The following PCDHGA8 variants were observed in gnomAD, a reference collection of about 807,000 sequenced individuals.
The protein encoded by PCDHGA8 is protocadherin gamma subfamily A, 8.
A neutral mutation model predicts 59.2 loss-of-function variants in PCDHGA8; 45 were observed. The observed-to-expected ratio is 0.76, with a 90% CI of 0.60 to 0.98. The LOEUF (loss-of-function observed/expected upper bound fraction) is 0.98. PCDHGA8 is among the 50% of genes least tolerant of loss of function. The pLI is 0.00. For synonymous variants in PCDHGA8, 531 were observed against 519.0 expected (o/e 1.02, Z -0.32); for missense variants, 1,257 against 1,196.2 (o/e 1.05, Z -0.75).
chr5:141,393,740 TGAA>T lies in PCDHGA8; in HGVS notation c.931_933del (p.Glu311del). The T allele has an allele frequency of 6.2e-7, 1 of 1,613,888 alleles. No homozygotes were observed. Among genetic ancestry groups the T allele is most frequent in the Non-Finnish European group, 8.5e-7 (1 of 1,179,880 alleles). ...TATCAATAGCAAAAAGTCTAGATTA[TGAA>T]GAATGTTCATTTTATGAAATGGAAA... On this transcript the variant is annotated inframe_deletion, in exon 1 of 4. Transcript: ENST00000398604.
In PCDHGA8 at chr5:141,393,314, C is replaced by T. The variant is rs2150518180; in HGVS notation, c.501C>T (p.Leu167=). 6.2e-7 allele frequency: 1 copy of T among 1,613,076 alleles called. No homozygotes were observed. Among genetic ancestry groups the T allele is most frequent in the Non-Finnish European group, 8.5e-7 (1 of 1,179,790 alleles). ...ACCCGGATGTGGGCGTGAACTCCCT[C>T]CAGAGCTACCAGCTCAGCCCCAATC... ...AVDPDVGVNS[L]QSYQLSPNHH... Residue 167 remains leucine, a synonymous_variant, in exon 1 of 4, where the codon CTC becomes CTT. Transcript: ENST00000398604.
chr5:141,466,285 C>A (rs1271958613), intron 1 of PCDHGA8, among the ~76,000 whole-genome samples: 1 of 152,148 alleles, frequency 6.6e-6, no homozygotes, highest in African/African-American at 2.4e-5. Context: ...ATCTTCCCAC[C>A]TCAGGCTCCC....
At chr5:141,414,233 T>A in intron 1 of PCDHGA8, 1 of 1,613,474 alleles carries the variant, frequency 6.2e-7, no homozygotes, top group Non-Finnish European at 8.5e-7. Flanking sequence ...GAGCTGACCA[T>A]CACGTCTCTA....
intron 2 of PCDHGA8, among the ~76,000 whole-genome samples, chr5:141,500,892 G>GAT (rs1036007799): frequency 1.1e-5 from 1 of 88,010 alleles, no homozygotes; most frequent in African/African-American, 7.1e-5. Flanking sequence ...TTTTTTTTGA[G>GAT]ACAGTCTCGC....
intron 1 of PCDHGA8, among the ~76,000 whole-genome samples, chr5:141,462,160 A>T (rs575238638): frequency 4.6e-5 from 7 of 152,122 alleles, no homozygotes; most frequent in Non-Finnish European, 1.0e-4. Flanking sequence ...GGGTTTCATC[A>T]TGTTGGCCAG....
intron 1 of PCDHGA8, among the ~76,000 whole-genome samples, chr5:141,449,339 G>T (rs1307731679): frequency 6.6e-6 from 1 of 151,930 alleles, no homozygotes; most frequent in Non-Finnish European, 1.5e-5. Context: ...AGGTGCAGTG[G>T]CTCACTCCTG....
chr5:141,427,429 G>A (rs2097025761), intron 1 of PCDHGA8: 1 of 471,078 alleles, frequency 2.1e-6, no homozygotes, highest in African/African-American at 2.0e-5. Flanking sequence ...GAGGTTACAT[G>A]CCTCATAAAC....
chr5:141,393,706 C>T lies in PCDHGA8; in HGVS notation c.893C>T (p.Thr298Ile). Residue 298 changes from threonine to isoleucine, a missense_variant, in exon 1 of 4, where the codon ACT (threonine) becomes ATT (isoleucine). By Grantham distance (89) the Thr-to-Ile change is moderately conservative. Transcript: ENST00000398604. ...CCGTTATTCCAGCTTAATGAAAATA[C>T]TGGGGAAATATCAATAGCAAAAAGT... ...QTPLFQLNEN[T>I]GEISIAKSLD... 2 of 1,613,798 alleles carry T rather than the reference C, an allele frequency of 1.2e-6. No homozygotes were observed. Among genetic ancestry groups the T allele is most frequent in the African/African-American group, 1.3e-5 (1 of 75,028 alleles).
At chr5:141,501,288 TATACAC>T (rs201660636) in intron 2 of PCDHGA8, among the ~76,000 whole-genome samples, 3 of 81,324 alleles carry the variant, frequency 3.7e-5, no homozygotes, top group African/African-American at 1.5e-4. Flanking sequence ...GATATTCCCT[TATACAC>T]ACACACACAC....
At chr5:141,399,910 G>T in intron 1 of PCDHGA8, 1 of 1,612,438 alleles carries the variant, frequency 6.2e-7, no homozygotes, top group Non-Finnish European at 8.5e-7. Context: ...CGCAGACTCA[G>T]GACACAACGC....
chr5:141,477,296 G>C lies in PCDHGA8; in HGVS notation c.2425-17511G>C. On this transcript the variant is annotated intron_variant, in intron 1 of 3. Transcript: ENST00000398604. This position sits in a 1 kb window ranked among gnomAD's most constrained non-coding sequence, Gnocchi z 4.9. ...GCTGGTGACCTGCGAAGTTCCACCG[G>C]GTCTCCCTTTCAGCCTTACTTCTTC... 3 of 1,614,064 alleles carry C rather than the reference G, an allele frequency of 1.9e-6. No individual in the cohort carries two copies. Among genetic ancestry groups the C allele is most frequent in the African/African-American group, 1.3e-5 (1 of 75,014 alleles).
At position 141,394,643 on chromosome 5, in the gene PCDHGA8, G is replaced by T; in HGVS notation, c.1830G>T (p.Lys610Asn). 1 of 1,613,492 alleles carries T rather than the reference G, an allele frequency of 6.2e-7. No homozygotes were observed. The highest frequency in any genetic ancestry group is 8.5e-7 in the Non-Finnish European group (1 of 1,179,968). ...QNAWLSYRLL[K>N]ASEPGLFSVG... is the part of the protein sequence containing the mutation. ...CCTGGCTGTCCTACCGCCTGCTCAA[G>T]GCCAGCGAGCCGGGACTCTTCTCGG... is the stretch of plus-strand genomic sequence containing the variant. Residue 610 changes from lysine to asparagine, a missense_variant, in exon 1 of 4, where the codon AAG (lysine) becomes AAT (asparagine). Coordinates refer to ENST00000398604, the MANE Select transcript of PCDHGA8 (RefSeq NM_032088.2).
At chr5:141,480,935 C>G (rs1297213622) in intron 1 of PCDHGA8, among the ~76,000 whole-genome samples, 1 of 152,092 alleles carries the variant, frequency 6.6e-6, no homozygotes, top group Non-Finnish European at 1.5e-5. Flanking sequence ...GTCCCAGCTA[C>G]TCTAGAGGCT....
chr5:141,423,624 T>A (rs756883871), intron 1 of PCDHGA8: 9 of 1,607,038 alleles, frequency 5.6e-6, no homozygotes, highest in African/African-American at 1.3e-5. Flanking sequence ...AAGACTCAGC[T>A]ATCATTTTAG....
At chr5:141,475,828 C>T (rs1319658902) in intron 1 of PCDHGA8, 1 of 387,614 alleles carries the variant, frequency 2.6e-6, no homozygotes, top group Admixed American at 4.3e-5. Context: ...GGCGCTAGCG[C>T]GTGTCCTGCT....
intron 1 of PCDHGA8, chr5:141,399,615 A>G (rs756068630): frequency 1.2e-6 from 2 of 1,613,942 alleles, no homozygotes; most frequent in South Asian, 1.1e-5. Context: ...AGCCTCTGGC[A>G]CTGGCCTCTT....
chr5:141,439,117 C>T (rs1219829519), intron 1 of PCDHGA8, among the ~76,000 whole-genome samples: 6 of 150,696 alleles, frequency 4.0e-5, no homozygotes, highest in African/African-American at 7.3e-5. Context: ...CACTTGAACC[C>T]GGGAGACAGA....
Position 141,431,910 on chromosome 5 carries a change from G to A in PCDHGA8, c.2424+36673G>A. The A allele has an allele frequency of 6.2e-7, 1 of 1,614,096 alleles. No individual in the cohort carries two copies. Among genetic ancestry groups the A allele is most frequent in the Non-Finnish European group, 8.5e-7 (1 of 1,179,934 alleles). On this transcript the variant is annotated intron_variant, in intron 1 of 3. Transcript: ENST00000398604. This position sits in a 1 kb window ranked among gnomAD's most constrained non-coding sequence, Gnocchi z 4.8. ...TCTGAGGAAAACGGACAGGTGATCTGTTTCATCCAAGGAAATCTGCCCTTT... is the reference window on the plus strand; with the variant it reads ...TCTGAGGAAAACGGACAGGTGATCTATTTCATCCAAGGAAATCTGCCCTTT...
intron 1 of PCDHGA8, chr5:141,428,456 A>G (rs538022786): frequency 1.4e-5 from 5 of 358,650 alleles, no homozygotes; most frequent in South Asian, 1.1e-4. Context: ...TTTCCCAACT[A>G]CAATGAGGGA....
Sources: gnomAD v4.1 joint callset for allele counts (sites outside exome capture counted in the v4.1 genomes callset) on GRCh38, gnomAD v4.1.1 for gene constraint, Gnocchi (gnomAD v3.1) non-coding constraint, MANE v1.5 for transcripts, NCBI Gene and HGNC (gene_info 2026-07-23, HGNC 2026-07-21) for gene names.